Variants in MIPEP observed in about 807,000 individuals in gnomAD.
MIPEP encodes mitochondrial intermediate peptidase.
A neutral mutation model predicts 90.3 loss-of-function variants in MIPEP; 79 were observed. The observed-to-expected ratio is 0.87, with a 90% CI of 0.73 to 1.05. The LOEUF (loss-of-function observed/expected upper bound fraction) is 1.05, where lower values mean the gene tolerates loss of function less well. Among genes scored for constraint, MIPEP ranks in the 50% least tolerant of loss-of-function variants. MIPEP has a pLI of 0.00. For synonymous variants in MIPEP, 334 were observed against 315.8 expected (o/e 1.06, Z -0.61); for missense variants, 940 against 905.6 (o/e 1.04, Z -0.49).
chr13:23,846,934 C>G (rs1323400833), intron 10 of MIPEP, among the ~76,000 whole-genome samples: 2 of 152,110 alleles, frequency 1.3e-5, no homozygotes, highest in Non-Finnish European at 2.9e-5. Context: ...AAAAACGATC[C>G]TTTAAGGTAA....
chr13:23,887,047 T>C (rs1293544225), intron 1 of MIPEP, among the ~76,000 whole-genome samples: 1 of 152,162 alleles, frequency 6.6e-6, no homozygotes, highest in Non-Finnish European at 1.5e-5. Context: ...GCTGACAAGG[T>C]GAGATCTCAG....
chr13:23,865,412 C>T (rs1051216629), intron 7 of MIPEP, among the ~76,000 whole-genome samples: 3 of 152,198 alleles, frequency 2.0e-5, no homozygotes, highest in Non-Finnish European at 4.4e-5. Context: ...CAATACTTAA[C>T]AAGTCCTGTG....
intron 7 of MIPEP, among the ~76,000 whole-genome samples, chr13:23,864,756 T>A (rs1399817658): frequency 4.4e-4 from 46 of 105,022 alleles, no homozygotes; most frequent in East Asian, 8.3e-4. Flanking sequence ...AAAAAAAGAG[T>A]TAATGGGAGG....
intron 18 of MIPEP, among the ~76,000 whole-genome samples, chr13:23,743,745 C>T (rs1422213572): frequency 6.6e-6 from 1 of 152,182 alleles, no homozygotes; most frequent in Non-Finnish European, 1.5e-5. Context: ...AAACATCTTG[C>T]CTTTTGAAGC....
intron 16 of MIPEP, among the ~76,000 whole-genome samples, chr13:23,770,767 G>A (rs541682661): frequency 6.6e-6 from 1 of 152,304 alleles, no homozygotes; most frequent in East Asian, 1.9e-4. Context: ...TTATTGAAGA[G>A]GGGGTAGAAC....
At chr13:23,819,685 C>T (rs549829507) in intron 14 of MIPEP, among the ~76,000 whole-genome samples, 4 of 151,738 alleles carry the variant, frequency 2.6e-5, no homozygotes, top group East Asian at 1.9e-4. Context: ...TGAAATACAG[C>T]GTAAATTCTC....
intron 11 of MIPEP, 44 bp downstream of exon 11, chr13:23,841,291 A>G (rs1289503427): frequency 6.4e-7 from 1 of 1,560,544 alleles, no homozygotes; most frequent in Non-Finnish European, 8.6e-7. Flanking sequence ...TGCCCAACCG[A>G]AAGGTAAATG....
intron 14 of MIPEP, among the ~76,000 whole-genome samples, chr13:23,825,390 G>A (rs1953355285): frequency 6.6e-6 from 1 of 152,198 alleles, no homozygotes; most frequent in Non-Finnish European, 1.5e-5. Context: ...ATGTCTCCTT[G>A]AAGATAGAAC....
intron 14 of MIPEP, among the ~76,000 whole-genome samples, chr13:23,814,013 T>C (rs765234427): frequency 5.9e-5 from 9 of 152,220 alleles, no homozygotes; most frequent in Non-Finnish European, 1.2e-4. Context: ...ATTTAAAACA[T>C]CTAAGCCTTG....
At chr13:23,742,705 C>T (rs1457575769) in intron 18 of MIPEP, among the ~76,000 whole-genome samples, 1 of 152,202 alleles carries the variant, frequency 6.6e-6, no homozygotes, top group African/African-American at 2.4e-5. Flanking sequence ...TTATCCAGCT[C>T]ATAAATCACA....
intron 14 of MIPEP, among the ~76,000 whole-genome samples, chr13:23,812,248 G>C (rs571703650): frequency 6.6e-6 from 1 of 152,230 alleles, no homozygotes; most frequent in South Asian, 2.1e-4. Flanking sequence ...GACCCTGAAA[G>C]GCTTGATGGA....
intron 7 of MIPEP, among the ~76,000 whole-genome samples, chr13:23,866,944 C>T (rs1870566916): frequency 1.3e-5 from 2 of 152,110 alleles, no homozygotes; most frequent in Admixed American, 1.3e-4. Context: ...AATGTTGGCT[C>T]CCTCTTCCAA....
In MIPEP at chr13:23,841,507, G is replaced by A; in HGVS notation, c.1107-19C>T. The A allele has an allele frequency of 6.3e-7, 1 of 1,576,166 alleles. No individual in the cohort carries two copies. Among genetic ancestry groups the A allele is most frequent in the South Asian group, 1.2e-5 (1 of 84,590 alleles). On this transcript the variant is annotated intron_variant, in intron 10 of 18. Coordinates refer to ENST00000382172, the MANE Select transcript of MIPEP (RefSeq NM_005932.4). ...ATTATACCTAAGAGAAGGAAGAGAGGTTCAACAGCATCTTTGTTTATTTCA... is the reference window on the plus strand; with the variant it reads ...ATTATACCTAAGAGAAGGAAGAGAGATTCAACAGCATCTTTGTTTATTTCA...
intron 16 of MIPEP, among the ~76,000 whole-genome samples, chr13:23,777,578 T>G (rs535117411): frequency 1.3e-5 from 2 of 152,146 alleles, no homozygotes; most frequent in Non-Finnish European, 2.9e-5. Context: ...GGAAGCTGGG[T>G]GAAAGGTACT....
At chr13:23,777,167 A>T (rs1385252285) in intron 16 of MIPEP, among the ~76,000 whole-genome samples, 2 of 152,332 alleles carry the variant, frequency 1.3e-5, no homozygotes, top group East Asian at 3.9e-4. Flanking sequence ...AGTGGACCAT[A>T]AACACAGCAA....
In MIPEP at chr13:23,741,882, C is replaced by T. The variant is rs532884096; in HGVS notation, c.2045-11437G>A. The stretch of plus-strand genomic sequence containing the variant: ...ATATTCTTACATTTCAGCCACAGCA[C>T]TGGACTTAGTAGAAATTAATTAATT... On this transcript the variant is annotated intron_variant, in intron 18 of 18. Transcript: ENST00000382172. 9.9e-5 allele frequency among the ~76,000 whole-genome samples: 15 copies of T among 152,012 alleles called. No homozygotes were observed. In the South Asian group the frequency reaches 1.5e-3, roughly 15 times the overall value.
chr13:23,740,856 T>A (rs546499721), intron 18 of MIPEP, among the ~76,000 whole-genome samples: 6 of 152,236 alleles, frequency 3.9e-5, no homozygotes, highest in Non-Finnish European at 7.4e-5. Flanking sequence ...ATAGCTTGGG[T>A]CTCCCTGAAA....
intron 12 of MIPEP, among the ~76,000 whole-genome samples, chr13:23,838,243 A>C (rs1869143279): frequency 1.3e-5 from 2 of 152,074 alleles, no homozygotes. Context: ...TCCTGGGCTC[A>C]AGCCATCCTC....
intron 10 of MIPEP, among the ~76,000 whole-genome samples, chr13:23,854,924 A>T (rs996737378): frequency 6.6e-6 from 1 of 151,952 alleles, no homozygotes; most frequent in African/African-American, 2.4e-5. Context: ...TAAACAAACA[A>T]ACAAACAAAA....
Sources: allele counts gnomAD v4.1 joint callset (sites outside exome capture counted in the v4.1 genomes callset), GRCh38; gene constraint gnomAD v4.1.1; transcripts MANE v1.5; gene names NCBI Gene and HGNC (gene_info 2026-07-23, HGNC 2026-07-21).